ADGRD1: variants seen among roughly 807,000 people sequenced by gnomAD.
The protein encoded by ADGRD1 is adhesion G protein-coupled receptor D1, also known as G-protein coupled receptor 133.
Under a neutral mutation model 113.4 loss-of-function variants are expected in ADGRD1, and 77 were observed. The observed-to-expected ratio is 0.68, with a 90% confidence interval of 0.57 to 0.82. ADGRD1 has a LOEUF of 0.82. ADGRD1 is among the 40% of genes least tolerant of loss of function. The pLI, the probability that ADGRD1 is intolerant of heterozygous loss-of-function variation, is 0.00. For missense variants in ADGRD1, 1,036 were observed against 1,139.1 expected, an observed-to-expected ratio of 0.91 and a Z score of 1.30; for synonymous variants, 474 against 475.0, an observed-to-expected ratio of 1.00 and a Z score of 0.03.
Position 131,003,451 on chromosome 12 carries a change from CCCGT to C in ADGRD1, c.1144+150_1144+153del. 1 of 666,332 alleles carries C rather than the reference CCCGT, an allele frequency of 1.5e-6. No individual in the cohort carries two copies. Among genetic ancestry groups the C allele is most frequent in the Non-Finnish European group, 2.7e-6 (1 of 373,452 alleles). 41.3% of individuals were successfully genotyped at this position (666,332 alleles called of 1,614,324 possible). On this transcript the variant is annotated intron_variant, in intron 10 of 24. Transcript: ENST00000261654. The surrounding 1 kb of genome is among the most constrained non-coding windows in gnomAD (Gnocchi z 4.8). Reference sequence around the variant, plus strand: ...GCACAAACCACATTTGGAAGGAAAACCCGTGGTCAGATGAGGGCAGGTGTGTTCG... The same window carrying C: ...GCACAAACCACATTTGGAAGGAAAACGGTCAGATGAGGGCAGGTGTGTTCG...
At chr12:131,063,502 A>G (rs1388939688) in intron 13 of ADGRD1, among the ~76,000 whole-genome samples, 5 of 152,172 alleles carry the variant, frequency 3.3e-5, no homozygotes, top group Admixed American at 6.5e-5. Context: ...TTTCAGCACT[A>G]TTTGTTGAGG....
rs866338143 is a variant in ADGRD1, at chr12:131,035,907, A to G, written c.1473+21567A>G. ...CTAGTTAATTATTTTCACTATATCT[A>G]TAAAAGGCAAGATGATTGCTTGGAG... On this transcript the variant is annotated intron_variant, in intron 13 of 24. Coordinates refer to ENST00000261654, the MANE Select transcript of ADGRD1 (RefSeq NM_198827.5). 5.3e-5 allele frequency among the ~76,000 whole-genome samples: 8 copies of G among 152,332 alleles called. No individual in the cohort carries two copies. The Middle Eastern group carries it at 0.017, about 324-fold the overall frequency.
Position 131,139,030 on chromosome 12 carries a change from C to T in ADGRD1, c.2530-138C>T. On this transcript the variant is annotated intron_variant, in intron 24 of 24. Coordinates refer to ENST00000261654, the MANE Select transcript of ADGRD1 (RefSeq NM_198827.5). ...CTCATCTCCCCCAGGAGCATGGGGG[C>T]TCCCTTCTCTCTGCACCTTTCCTCC... 29 of 635,118 alleles carry T rather than the reference C, an allele frequency of 4.6e-5. No individual in the cohort carries two copies. The South Asian group carries it at 5.2e-4, about 11-fold the overall frequency. The allele number at this position is 635,118 out of a possible 1,614,324, so 39.3% of individuals were successfully genotyped here. A position where few individuals can be genotyped will look rare whatever the true frequency, so the allele number is the denominator to read the frequency against.
At chr12:130,987,962 C>G (rs888997618) in intron 6 of ADGRD1, 1 of 156,554 alleles carries the variant, frequency 6.4e-6, no homozygotes. Context: ...TTTTCATCCC[C>G]CCAAAAGGAA....
chr12:131,129,281 G>A (rs1452383623), intron 20 of ADGRD1, among the ~76,000 whole-genome samples: 1 of 140,442 alleles, frequency 7.1e-6, no homozygotes, highest in Non-Finnish European at 1.5e-5. Flanking sequence ...CGGCCCTCCT[G>A]TCTGGGTGTG....
intron 15 of ADGRD1, among the ~76,000 whole-genome samples, chr12:131,098,029 C>G (rs1044880215): frequency 2.0e-5 from 3 of 149,880 alleles, no homozygotes; most frequent in Admixed American, 2.0e-4. Flanking sequence ...GCAGACCCTC[C>G]CCTGCACCCC....
Position 131,113,035 on chromosome 12 carries a change from G to A in ADGRD1, c.2041+4158G>A, listed in dbSNP as rs941094. On this transcript the variant is annotated intron_variant, in intron 18 of 24. Coordinates refer to ENST00000261654, the MANE Select transcript of ADGRD1 (RefSeq NM_198827.5). The surrounding 1 kb of genome is among the most constrained non-coding windows in gnomAD (Gnocchi z 4.9). ...ACCTCCCCCAGCCTGGGGAGATACC[G>A]TAGCCCTGGACTGGGAGCTGGAGGG... 0.056 allele frequency among the ~76,000 whole-genome samples: 8,512 copies of A among 152,224 alleles called. 806 individuals are homozygous for A. The highest frequency in any genetic ancestry group is 0.2 in the African/African-American group (8,101 of 41,502).
chr12:131,066,149 A>G lies in ADGRD1; in HGVS notation c.1474-10652A>G, dbSNP rs545792195. ...CTCATGAGCAGGCAGTAAAGAAATA[A>G]ACCCTGACTCCAGCAGTCATAGGAG... On this transcript the variant is annotated intron_variant, in intron 13 of 24. Coordinates refer to ENST00000261654, the MANE Select transcript of ADGRD1 (RefSeq NM_198827.5). Among the ~76,000 whole-genome samples the G allele has an allele frequency of 5.9e-4, 90 of 152,288 alleles. No individual in the cohort carries two copies. In the South Asian group the frequency reaches 0.018, roughly 30 times the overall value.
At position 131,131,757 on chromosome 12, in the gene ADGRD1, A is replaced by G; in HGVS notation, c.2208A>G (p.Arg736=). The G allele has an allele frequency of 6.2e-7, 1 of 1,611,750 alleles. No homozygotes were observed. The highest frequency in any genetic ancestry group is 1.1e-5 in the South Asian group (1 of 90,746). ...VNIGILIAVT[R]VISQISADNY... ...TTGGCATCCTCATCGCTGTGACCAG[A>G]GTCATCTCACAGATCAGCGCCGACA... The change falls in exon 21 of 25, where the codon AGA becomes AGG. Residue 736 remains arginine, a synonymous_variant. Coordinates refer to ENST00000261654, the MANE Select transcript of ADGRD1 (RefSeq NM_198827.5).
chr12:130,958,783 G>A (rs556597861), intron 2 of ADGRD1, among the ~76,000 whole-genome samples: 1 of 147,062 alleles, frequency 6.8e-6, no homozygotes, highest in African/African-American at 2.5e-5. Flanking sequence ...TTAACACGTA[G>A]CATTTCATTC....
intron 13 of ADGRD1, among the ~76,000 whole-genome samples, chr12:131,018,813 C>G (rs1878957178): frequency 6.6e-6 from 1 of 152,076 alleles, no homozygotes; most frequent in Non-Finnish European, 1.5e-5. Context: ...ATTTCCACCA[C>G]CCTTTCTCAG....
intron 9 of ADGRD1, chr12:131,002,762 G>A (rs773690899): frequency 7.9e-7 from 1 of 1,258,266 alleles, no homozygotes; most frequent in Non-Finnish European, 1.0e-6. Context: ...TCATGGAGAA[G>A]GGGACAGAGC....
intron 13 of ADGRD1, among the ~76,000 whole-genome samples, chr12:131,074,258 C>T (rs1488225865): frequency 6.6e-6 from 1 of 152,210 alleles, no homozygotes; most frequent in Non-Finnish European, 1.5e-5. Flanking sequence ...CTCACAGGCA[C>T]TCCCCATTAG....
chr12:130,998,463 T>C (rs892784347), intron 8 of ADGRD1, among the ~76,000 whole-genome samples: 7 of 152,134 alleles, frequency 4.6e-5, no homozygotes, highest in African/African-American at 1.2e-4. Flanking sequence ...TTCTTTTCTT[T>C]TCTTTTCCTT....
intron 13 of ADGRD1, among the ~76,000 whole-genome samples, chr12:131,017,841 G>C (rs1046767180): frequency 1.4e-5 from 2 of 138,372 alleles, no homozygotes; most frequent in South Asian, 2.4e-4. Context: ...CACACTCAGT[G>C]CACACACACC....
intron 8 of ADGRD1, among the ~76,000 whole-genome samples, chr12:130,993,259 A>T (rs930177211): frequency 5.1e-4 from 77 of 152,014 alleles, no homozygotes; most frequent in African/African-American, 1.9e-3. Flanking sequence ...TGCTGAAGTC[A>T]CACCCAAAGA....
chr12:131,031,574 C>G (rs577024221), intron 13 of ADGRD1, among the ~76,000 whole-genome samples: 2 of 152,138 alleles, frequency 1.3e-5, no homozygotes, highest in Non-Finnish European at 2.9e-5. Context: ...ACGGCCCCCC[C>G]ACCCTTCCTT....
At position 131,093,446 on chromosome 12, in the gene ADGRD1, G is replaced by A. The variant is rs114319114; in HGVS notation, c.1671+8783G>A. 3.1e-3 allele frequency among the ~76,000 whole-genome samples: 477 copies of A among 152,306 alleles called. 3 individuals carry two copies. Among genetic ancestry groups the A allele is most frequent in the African/African-American group, 0.01 (427 of 41,570 alleles). On this transcript the variant is annotated intron_variant, in intron 15 of 24. Transcript: ENST00000261654. The stretch of plus-strand genomic sequence containing the variant: ...GCCCAGACCCATGGTTCTAGGCCCC[G>A]TGCCCCGCGGTTACCCAGCCAGGTG...
chr12:130,968,216 C>T (rs1447875980), intron 3 of ADGRD1: 1 of 152,202 alleles, frequency 6.6e-6, no homozygotes, highest in Non-Finnish European at 1.5e-5. Flanking sequence ...AATTCTTCTC[C>T]TAAGGTGATA....
Sources: gnomAD v4.1 joint callset for allele counts (sites outside exome capture counted in the v4.1 genomes callset) on GRCh38, gnomAD v4.1.1 for gene constraint, Gnocchi (gnomAD v3.1) non-coding constraint, MANE v1.5 for transcripts, NCBI Gene and HGNC (gene_info 2026-07-23, HGNC 2026-07-21) for gene names.